Variants in SLC9A7 observed in about 807,000 individuals in gnomAD.
SLC9A7 encodes the protein sodium/hydrogen exchanger 7.
In SLC9A7, 19 loss-of-function variants were observed where a neutral mutation model predicts 52.6. The ratio of observed to expected loss-of-function variants is 0.36; its 90% CI spans 0.25 to 0.53. The LOEUF is 0.53. SLC9A7 is among the 20% of genes least tolerant of loss of function. The probability of loss-of-function intolerance (pLI) is 0.91; values close to 1 mark genes in which losing one functional copy is unlikely to be tolerated. For missense variants in SLC9A7, 455 were observed against 597.9 expected (o/e 0.76, Z 2.49); for synonymous variants, 226 against 252.1 (o/e 0.90, Z 0.98).
rs1943847016 is a variant in SLC9A7, at chrX:46,662,792, G to C, written c.794-149C>G. On this transcript the variant is annotated intron_variant, in intron 5 of 16. Coordinates refer to ENST00000616978, the MANE Select transcript of SLC9A7 (RefSeq NM_001257291.2). Reference sequence around the variant, plus strand: ...GTCAAAGATAGACTTATCTATCTGTGGCAGAAATGAAAACCGCAATCTTCC... The same window carrying C: ...GTCAAAGATAGACTTATCTATCTGTCGCAGAAATGAAAACCGCAATCTTCC... 3 of 439,503 alleles carry C rather than the reference G, an allele frequency of 6.8e-6. No homozygotes were observed. The East Asian group carries it at 1.2e-4, about 17-fold the overall frequency. 36.2% of individuals were successfully genotyped at this position (439,503 alleles called of 1,213,427 possible).
At chrX:46,659,200 T>C (rs139096368) in intron 7 of SLC9A7, among the ~76,000 whole-genome samples, 2,613 of 111,587 alleles carry the variant, frequency 0.023, 83 homozygotes, top group African/African-American at 0.08. Context: ...TCTCAATAAA[T>C]TAGGTATTGA....
chrX:46,732,299 C>A (rs1260046494), intron 1 of SLC9A7, among the ~76,000 whole-genome samples: 2 of 110,856 alleles, frequency 1.8e-5, no homozygotes, highest in East Asian at 5.7e-4. Context: ...TGCCTGTAAT[C>A]CCAGCACTTT....
intron 1 of SLC9A7, among the ~76,000 whole-genome samples, chrX:46,749,217 C>T (rs776164854): frequency 1.2e-4 from 13 of 111,815 alleles, no homozygotes; most frequent in African/African-American, 3.6e-4. Flanking sequence ...TGCTAGGTAG[C>T]GTTATAGCAT....
intron 1 of SLC9A7, among the ~76,000 whole-genome samples, chrX:46,749,129 C>T (rs900975169): frequency 2.1e-4 from 23 of 112,152 alleles, no homozygotes; most frequent in Non-Finnish European, 3.9e-4. Flanking sequence ...TTCTCAGAAA[C>T]TTCACTGTCA....
intron 13 of SLC9A7, 108 bp from the exon 14 acceptor site, chrX:46,631,757 G>T: frequency 1.7e-6 from 1 of 578,409 alleles, no homozygotes; most frequent in Non-Finnish European, 2.9e-6. Flanking sequence ...TCTTCCCGAA[G>T]CATAAGGAGT....
At chrX:46,738,140 T>G (rs1921023887) in intron 1 of SLC9A7, among the ~76,000 whole-genome samples, 1 of 111,513 alleles carries the variant, frequency 9.0e-6, no homozygotes. Context: ...ACATCTATAG[T>G]ATTAACATTC....
intron 3 of SLC9A7, among the ~76,000 whole-genome samples, chrX:46,673,606 T>A (rs777122671): frequency 2.4e-4 from 27 of 112,017 alleles, no homozygotes; most frequent in African/African-American, 8.8e-4. Context: ...CAGGAATACT[T>A]TACCTAAAAT....
At chrX:46,639,598 A>G (rs1943373394) in intron 12 of SLC9A7, among the ~76,000 whole-genome samples, 1 of 110,330 alleles carries the variant, frequency 9.1e-6, no homozygotes. Flanking sequence ...TCCTCTTAAG[A>G]TCAGAAACAA....
At chrX:46,660,421 G>A (rs1334605215) in intron 7 of SLC9A7, among the ~76,000 whole-genome samples, 4 of 99,967 alleles carry the variant, frequency 4.0e-5, no homozygotes, top group Admixed American at 1.1e-4. Context: ...ACTACCATCA[G>A]AGTGAACAGG....
chrX:46,703,340 T>C (rs568243990), intron 1 of SLC9A7, among the ~76,000 whole-genome samples: 1 of 112,385 alleles, frequency 8.9e-6, no homozygotes, highest in Non-Finnish European at 1.9e-5. Flanking sequence ...CCAAGTCTGA[T>C]GTCAGGAAGG....
intron 1 of SLC9A7, among the ~76,000 whole-genome samples, chrX:46,719,624 A>G (rs1381399110): frequency 2.7e-5 from 3 of 112,041 alleles, no homozygotes; most frequent in East Asian, 5.5e-4. Context: ...ACAAGAACAA[A>G]ATAGAAAACA....
At chrX:46,694,994 T>C (rs1944429907) in intron 1 of SLC9A7, among the ~76,000 whole-genome samples, 1 of 112,092 alleles carries the variant, frequency 8.9e-6, no homozygotes, top group Non-Finnish European at 1.9e-5. Context: ...ACATATTGTA[T>C]AATTCCATTT....
At chrX:46,663,342 A>G in intron 5 of SLC9A7, among the ~76,000 whole-genome samples, 1 of 95,129 alleles carries the variant, frequency 1.1e-5, no homozygotes, top group East Asian at 3.3e-4. Flanking sequence ...TCAAAAACAG[A>G]AAGAAAAAAA....
intron 12 of SLC9A7, among the ~76,000 whole-genome samples, chrX:46,642,642 C>T (rs748679179): frequency 8.9e-6 from 1 of 111,846 alleles, no homozygotes; most frequent in Non-Finnish European, 1.9e-5. Context: ...GGAATTCAAG[C>T]GCTCTTGAAA....
chrX:46,691,841 G>A (rs1041775891), intron 1 of SLC9A7, among the ~76,000 whole-genome samples: 3 of 110,974 alleles, frequency 2.7e-5, no homozygotes, highest in African/African-American at 9.8e-5. Flanking sequence ...AGCTTCCCAG[G>A]TGCCTGTAAA....
chrX:46,722,000 T>C (rs988531376), intron 1 of SLC9A7, among the ~76,000 whole-genome samples: 4 of 111,782 alleles, frequency 3.6e-5, no homozygotes, highest in African/African-American at 6.5e-5. Flanking sequence ...GGGTTTCCTA[T>C]TCCAGTTCAA....
At chrX:46,609,721 G>C (rs1204827186) in intron 16 of SLC9A7, among the ~76,000 whole-genome samples, 6 of 107,807 alleles carry the variant, frequency 5.6e-5, no homozygotes, top group East Asian at 2.9e-4. Flanking sequence ...CAAAACAAAA[G>C]AAAACAAAAA....
intron 1 of SLC9A7, among the ~76,000 whole-genome samples, chrX:46,692,557 A>G (rs1336867306): frequency 4.5e-5 from 5 of 110,914 alleles, no homozygotes; most frequent in Admixed American, 1.9e-4. Flanking sequence ...TTTATAAAAC[A>G]CTCTGTTCAA....
intron 16 of SLC9A7, among the ~76,000 whole-genome samples, chrX:46,611,399 A>AT (rs780465847): frequency 3.6e-5 from 4 of 112,129 alleles, no homozygotes; most frequent in Non-Finnish European, 5.6e-5. Context: ...CATCCTACAT[A>AT]TTTTTTTGTC....
Sources: gnomAD v4.1 joint callset for allele counts (sites outside exome capture counted in the v4.1 genomes callset) on GRCh38, gnomAD v4.1.1 for gene constraint, MANE v1.5 for transcripts, NCBI Gene and HGNC (gene_info 2026-07-23, HGNC 2026-07-21) for gene names.